The following NAALADL2 variants were observed in gnomAD, a reference collection of about 807,000 sequenced individuals.
NAALADL2 encodes N-acetylated alpha-linked acidic dipeptidase like 2, also known as inactive N-acetylated-alpha-linked acidic dipeptidase-like protein 2.
Under a neutral mutation model 87.2 loss-of-function variants are expected in NAALADL2, and 76 were observed. The observed-to-expected ratio is 0.87, with a 90% CI of 0.72 to 1.05. NAALADL2 has a LOEUF of 1.05. NAALADL2 is among the 50% of genes least tolerant of loss of function. The pLI, the probability that NAALADL2 is intolerant of heterozygous loss-of-function variation, is 0.00. For synonymous variants in NAALADL2, 354 were observed against 331.0 expected (o/e 1.07, Z -0.75); for missense variants, 1,089 against 945.8 (o/e 1.15, Z -1.99).
At chr3:175,547,626 T>C (rs1713584767) in intron 9 of NAALADL2, among the ~76,000 whole-genome samples, 1 of 152,114 alleles carries the variant, frequency 6.6e-6, no homozygotes, top group Admixed American at 6.5e-5. Flanking sequence ...ATAGACAACC[T>C]GAAGAATGGG....
chr3:175,755,972 A>G (rs894179442), intron 13 of NAALADL2, among the ~76,000 whole-genome samples: 5 of 152,182 alleles, frequency 3.3e-5, no homozygotes, highest in African/African-American at 1.2e-4. Context: ...TGGATTAGAT[A>G]CAGACTCAGA....
At chr3:175,149,102 T>G (rs944069752) in intron 2 of NAALADL2, among the ~76,000 whole-genome samples, 3 of 152,180 alleles carry the variant, frequency 2.0e-5, no homozygotes, top group African/African-American at 4.8e-5. Flanking sequence ...TTTTCCTTTT[T>G]TGTGTGTGTC....
At chr3:175,150,474 A>G (rs1560093114) in intron 2 of NAALADL2, among the ~76,000 whole-genome samples, 1 of 152,076 alleles carries the variant, frequency 6.6e-6, no homozygotes, top group Admixed American at 6.6e-5. Context: ...GTGCATCTAT[A>G]TGTTGTTTGT....
chr3:175,334,428 G>C (rs1018113588), intron 5 of NAALADL2, among the ~76,000 whole-genome samples: 2 of 152,064 alleles, frequency 1.3e-5, no homozygotes, highest in South Asian at 2.1e-4. Flanking sequence ...GATGATCAAT[G>C]TATCTATTCA....
intron 1 of NAALADL2, chr3:174,536,776 T>G (rs1253395945): frequency 2.6e-5 from 4 of 152,168 alleles, no homozygotes; most frequent in African/African-American, 9.6e-5. Flanking sequence ...TAACTGCTGT[T>G]TTTGTAAAAT....
At chr3:175,019,748 C>T (rs1249733155) in intron 1 of NAALADL2, among the ~76,000 whole-genome samples, 1 of 152,030 alleles carries the variant, frequency 6.6e-6, no homozygotes, top group African/African-American at 2.4e-5. Context: ...TCTGGTCTCC[C>T]TAATACTAAG....
chr3:175,275,325 A>T (rs1420154014), intron 4 of NAALADL2, among the ~76,000 whole-genome samples: 2 of 152,214 alleles, frequency 1.3e-5, no homozygotes, highest in African/African-American at 4.8e-5. Context: ...TGACTTTCTT[A>T]ATGTTTTTAG....
chr3:175,749,877 T>G (rs1746418987), intron 12 of NAALADL2, among the ~76,000 whole-genome samples: 1 of 152,174 alleles, frequency 6.6e-6, no homozygotes, highest in South Asian at 2.1e-4. Context: ...GATAAGCCAT[T>G]ATAAAATGAC....
intron 5 of NAALADL2, among the ~76,000 whole-genome samples, chr3:175,332,339 T>A (rs2110505508): frequency 6.6e-6 from 1 of 152,254 alleles, no homozygotes; most frequent in Non-Finnish European, 1.5e-5. Context: ...AAGCATATAG[T>A]AAACGAAACA....
rs996555481 is a variant in NAALADL2 at position 175,106,353 on chromosome 3, A to G, written c.545+9062A>G. 3.9e-5 allele frequency among the ~76,000 whole-genome samples: 6 copies of G among 152,204 alleles called. No homozygotes were observed. In the East Asian group the frequency reaches 1.2e-3, roughly 29 times the overall value. On this transcript the variant is annotated intron_variant, in intron 2 of 13. Coordinates refer to ENST00000454872, the MANE Select transcript of NAALADL2 (RefSeq NM_207015.3). ...CTTCTACTGTCAATGAACTATTTCC[A>G]TCAGATATATCAGGATCATCTGTGA...
chr3:175,105,066 C>G (rs1580467975), intron 2 of NAALADL2, among the ~76,000 whole-genome samples: 1 of 152,122 alleles, frequency 6.6e-6, no homozygotes, highest in Admixed American at 6.6e-5. Flanking sequence ...GGGCCTTTGA[C>G]TGCAATAACT....
chr3:175,367,367 T>C lies in NAALADL2; in HGVS notation c.1090+43042T>C, dbSNP rs191244314. On this transcript the variant is annotated intron_variant, in intron 5 of 13. Coordinates refer to ENST00000454872, the MANE Select transcript of NAALADL2 (RefSeq NM_207015.3). ...GGCTCTTTTTTGCTTCCATATGAAC[T>C]TTAAAGAGTTGTTTCCGATTCTGTG... Among the ~76,000 whole-genome samples, 454 of 121,970 alleles carry C rather than the reference T, an allele frequency of 3.7e-3. 3 individuals carry two copies. Among genetic ancestry groups the C allele is most frequent in the African/African-American group, 0.013 (424 of 33,346 alleles). 80.0% of individuals were successfully genotyped at this position (121,970 alleles called of 152,430 possible).
intron 1 of NAALADL2, among the ~76,000 whole-genome samples, chr3:174,534,168 C>T (rs1721503742): frequency 6.6e-6 from 1 of 152,074 alleles, no homozygotes; most frequent in African/African-American, 2.4e-5. Flanking sequence ...GTACATACTA[C>T]ACAATATTTC....
At chr3:175,114,987 A>G (rs1254269994) in intron 2 of NAALADL2, among the ~76,000 whole-genome samples, 2 of 151,644 alleles carry the variant, frequency 1.3e-5, no homozygotes, top group Admixed American at 6.6e-5. Context: ...CTAGATATGT[A>G]TGGTAAACTA....
chr3:175,009,569 G>A lies in NAALADL2; in HGVS notation c.44-87221G>A, dbSNP rs556082585. Among the ~76,000 whole-genome samples the A allele has an allele frequency of 4.0e-3, 603 of 152,176 alleles. 2 individuals are homozygous for A. Among genetic ancestry groups the A allele is most frequent in the Non-Finnish European group, 6.3e-3 (429 of 67,974 alleles). ...GAAAAGAATTTACTCTGCTGCCTTT[G>A]GAAGAAGTTAAAATGATATCTGCAG... On this transcript the variant is annotated intron_variant, in intron 1 of 13. Coordinates refer to ENST00000454872, the MANE Select transcript of NAALADL2 (RefSeq NM_207015.3).
intron 1 of NAALADL2, among the ~76,000 whole-genome samples, chr3:174,933,394 T>C (rs190027809): frequency 2.6e-5 from 4 of 152,318 alleles, no homozygotes; most frequent in Admixed American, 1.3e-4. Context: ...GGTCTTCCAG[T>C]TTCTTCTGGG....
At chr3:174,602,270 G>T (rs542160854) in intron 2 of NAALADL2, among the ~76,000 whole-genome samples, 1 of 151,870 alleles carries the variant, frequency 6.6e-6, no homozygotes, top group African/African-American at 2.4e-5. Flanking sequence ...AATATCTTCC[G>T]GTGTTTTTGT....
chr3:174,595,149 G>T (rs1450524035), intron 2 of NAALADL2, among the ~76,000 whole-genome samples: 1 of 152,094 alleles, frequency 6.6e-6, no homozygotes, highest in Non-Finnish European at 1.5e-5. Context: ...ATGCACAGTT[G>T]AGAAGAGATG....
chr3:174,836,411 A>G (rs971001451), intron 3 of NAALADL2, among the ~76,000 whole-genome samples: 10 of 152,180 alleles, frequency 6.6e-5, no homozygotes, highest in African/African-American at 2.2e-4. Flanking sequence ...TGGTTGCACA[A>G]CAATGTGAAT....
Sources: allele counts gnomAD v4.1 joint callset (sites outside exome capture counted in the v4.1 genomes callset), GRCh38; gene constraint gnomAD v4.1.1; transcripts MANE v1.5; gene names NCBI Gene and HGNC (gene_info 2026-07-23, HGNC 2026-07-21).